The following ZNF793 variants were observed in gnomAD, a reference collection of about 807,000 sequenced individuals.
ZNF793 encodes the protein zinc finger protein 793.
In ZNF793, 5 loss-of-function variants were observed where a neutral mutation model predicts 12.4. The observed-to-expected ratio is 0.40, with a 90% CI of 0.21 to 0.84. The LOEUF (loss-of-function observed/expected upper bound fraction) is 0.84. ZNF793 is among the 40% of genes least tolerant of loss of function. ZNF793 has a pLI of 0.35. For missense variants in ZNF793, 456 were observed against 495.0 expected (o/e 0.92, Z 0.75); for synonymous variants, 162 against 172.4 (o/e 0.94, Z 0.47).
intron 7 of ZNF793, chr19:37,536,491 T>C (rs1376819179): frequency 4.9e-6 from 2 of 404,782 alleles, no homozygotes; most frequent in Non-Finnish European, 8.7e-6. Flanking sequence ...GCCTACCGAT[T>C]GGCCACCTGC....
In ZNF793 at chr19:37,540,506, ATGTGTTAATTTACATTGTAATAG is replaced by A. The variant is rs2042545100; in HGVS notation, c.*2628_*2650del. ...AGATACTGAGAAGGCATTTCATAGA[ATGTGTTAATTTACATTGTAATAG>A]ATGGGAACCACTTAAAGCGGTTTTT... On this transcript the variant is annotated 3_prime_UTR_variant, in exon 8 of 8. Transcript: ENST00000627814. 8.9e-6 allele frequency: 1 copy of A among 112,762 alleles called. No homozygotes were observed. The highest frequency in any genetic ancestry group is 2.8e-5 in the African/African-American group (1 of 36,134). The allele number at this position is 112,762 out of a possible 1,614,324, so 7.0% of individuals were successfully genotyped here. A position where few individuals can be genotyped will look rare whatever the true frequency, so the allele number is the denominator to read the frequency against.
At chr19:37,532,519 C>T (rs767574073) in intron 6 of ZNF793, 37 bp downstream of exon 6, 6 of 1,523,590 alleles carry the variant, frequency 3.9e-6, no homozygotes, top group East Asian at 2.4e-5. Context: ...AGATTATGTT[C>T]GAATGACCAC....
chr19:37,531,815 A>T (rs2042463423), intron 5 of ZNF793, among the ~76,000 whole-genome samples: 1 of 152,142 alleles, frequency 6.6e-6, no homozygotes, highest in South Asian at 2.1e-4. Context: ...CCCATCTATG[A>T]CTGTGACCCC....
At chr19:37,531,433 C>G (rs1486380073) in intron 5 of ZNF793, 1 of 154,090 alleles carries the variant, frequency 6.5e-6, no homozygotes, top group East Asian at 1.9e-4. Flanking sequence ...TCCCAAAGTG[C>G]TGGGATTACA....
At chr19:37,515,441 A>G (rs557620947) in intron 2 of ZNF793, among the ~76,000 whole-genome samples, 90 of 151,922 alleles carry the variant, frequency 5.9e-4, no homozygotes, top group African/African-American at 2.0e-3. Context: ...CCAAGTAGCT[A>G]GGACCACAGG....
At chr19:37,522,913 A>C (rs1940939862) in intron 4 of ZNF793, among the ~76,000 whole-genome samples, 2 of 152,208 alleles carry the variant, frequency 1.3e-5, no homozygotes, top group Admixed American at 6.5e-5. Context: ...GGTGTGGGGC[A>C]TTTAGATACT....
At chr19:37,512,528 A>G (rs2042301978) in intron 2 of ZNF793, among the ~76,000 whole-genome samples, 1 of 151,800 alleles carries the variant, frequency 6.6e-6, no homozygotes, top group Admixed American at 6.6e-5. Context: ...TAATAATAAT[A>G]CTAACAATAA....
chr19:37,517,280 A>C (rs2042339866), intron 2 of ZNF793, among the ~76,000 whole-genome samples: 1 of 152,118 alleles, frequency 6.6e-6, no homozygotes, highest in Non-Finnish European at 1.5e-5. Context: ...TTCATATTTT[A>C]GTCTGTATCT....
In ZNF793 at chr19:37,537,881, C is replaced by G; in HGVS notation, c.*2C>G. On this transcript the variant is annotated 3_prime_UTR_variant, in exon 8 of 8. Transcript: ENST00000627814. ...TTAATAATTGTGGGAAATACTTGAGCAAAATATCTGGTTTCATGGTATGTA... is the reference window on the plus strand; with the variant it reads ...TTAATAATTGTGGGAAATACTTGAGGAAAATATCTGGTTTCATGGTATGTA... The G allele has an allele frequency of 6.4e-7, 1 of 1,557,798 alleles. No homozygotes were observed. Among genetic ancestry groups the G allele is most frequent in the Non-Finnish European group, 8.7e-7 (1 of 1,150,690 alleles).
chr19:37,522,895 T>C (rs531612450), intron 4 of ZNF793, among the ~76,000 whole-genome samples: 5 of 152,226 alleles, frequency 3.3e-5, no homozygotes, highest in Admixed American at 3.3e-4. Flanking sequence ...AATCATTAAA[T>C]GTCTTGGGGT....
intron 5 of ZNF793, among the ~76,000 whole-genome samples, chr19:37,524,347 T>G (rs551334069): frequency 6.6e-6 from 1 of 152,082 alleles, no homozygotes; most frequent in Non-Finnish European, 1.5e-5. Context: ...AAACCAGATA[T>G]GTAATGCTTC....
intron 5 of ZNF793, among the ~76,000 whole-genome samples, chr19:37,529,452 G>T (rs1207122756): frequency 6.6e-6 from 1 of 151,942 alleles, no homozygotes; most frequent in East Asian, 1.9e-4. Context: ...TCTCTTGTAG[G>T]CAGCATTTTT....
At position 37,538,561 on chromosome 19, in the gene ZNF793, C is replaced by A. The variant is rs2042530817; in HGVS notation, c.*682C>A. The A allele has an allele frequency of 6.6e-6, 1 of 152,126 alleles. No individual in the cohort carries two copies. The highest frequency in any genetic ancestry group is 1.9e-4 in the East Asian group (1 of 5,180). 9.4% of individuals were successfully genotyped at this position (152,126 alleles called of 1,614,324 possible). On this transcript the variant is annotated 3_prime_UTR_variant, in exon 8 of 8. Coordinates refer to ENST00000627814, the MANE Select transcript of ZNF793 (RefSeq NM_001013659.3). ...ATACCCCCCAACCCCCCGCCCTTGGCCTCCCAAAGTGTTGGGATTACAGGC... is the reference window on the plus strand; with the variant it reads ...ATACCCCCCAACCCCCCGCCCTTGGACTCCCAAAGTGTTGGGATTACAGGC...
intron 5 of ZNF793, among the ~76,000 whole-genome samples, chr19:37,525,943 C>T (rs1383809099): frequency 6.6e-6 from 1 of 152,152 alleles, no homozygotes; most frequent in Non-Finnish European, 1.5e-5. Context: ...TTCCCAGCCC[C>T]CAAGGGCCCT....
At chr19:37,512,215 T>A (rs979484630) in intron 2 of ZNF793, among the ~76,000 whole-genome samples, 44 of 152,082 alleles carry the variant, frequency 2.9e-4, no homozygotes, top group Admixed American at 2.6e-4. Context: ...AATTTCAGAT[T>A]TAGAAAAGTT....
intron 2 of ZNF793, among the ~76,000 whole-genome samples, chr19:37,514,626 A>G (rs1354367155): frequency 6.7e-6 from 1 of 148,970 alleles, no homozygotes; most frequent in Non-Finnish European, 1.5e-5. Flanking sequence ...TCTTCCAGGG[A>G]ATTTATAAAG....
chr19:37,515,347 G>A lies in ZNF793; in HGVS notation c.-275-4837G>A, dbSNP rs147430114. Among the ~76,000 whole-genome samples, 1,355 of 148,646 alleles carry A rather than the reference G, an allele frequency of 9.1e-3. 9 individuals are homozygous for A. Among genetic ancestry groups the A allele is most frequent in the African/African-American group, 0.016 (652 of 40,276 alleles). ...TTTTGAGATGGAGTCTCACTCTGTC[G>A]CCCAGGCTGGAGTGCAGTGGCGCAA... is the stretch of plus-strand genomic sequence containing the variant. On this transcript the variant is annotated intron_variant, in intron 2 of 7. Transcript: ENST00000627814.
chr19:37,530,519 G>A (rs972116341), intron 5 of ZNF793, among the ~76,000 whole-genome samples: 5 of 152,154 alleles, frequency 3.3e-5, no homozygotes, highest in Non-Finnish European at 5.9e-5. Flanking sequence ...AGGGAGTGGT[G>A]ATGACTCTTA....
rs749073422 is a variant in ZNF793, at chr19:37,537,137, C to CAA, written c.484_485dup (p.Gln163SerfsTer15). The CAA allele has an allele frequency of 6.2e-7, 1 of 1,613,132 alleles. No homozygotes were observed. Among genetic ancestry groups the CAA allele is most frequent in the Non-Finnish European group, 8.5e-7 (1 of 1,179,492 alleles). On this transcript the variant is annotated frameshift_variant, in exon 8 of 8. Transcript: ENST00000627814. LOFTEE classifies it low-confidence loss of function (END_TRUNC). ...TTGATTGGTTTTAAGAGAAACTGTG[C>CAA]AAAAAAGCAAGATGAGTGTTATGCT...
Sources: allele counts gnomAD v4.1 joint callset (sites outside exome capture counted in the v4.1 genomes callset), GRCh38; gene constraint gnomAD v4.1.1; transcripts MANE v1.5; gene names NCBI Gene and HGNC (gene_info 2026-07-23, HGNC 2026-07-21).